Variants in KIF13B observed in about 807,000 individuals in gnomAD.
The protein encoded by KIF13B is kinesin-like protein KIF13B.
Under a neutral mutation model 222.0 loss-of-function variants are expected in KIF13B, and 127 were observed. That is an observed-to-expected ratio of 0.57 (90% confidence interval 0.50 to 0.66). The LOEUF (loss-of-function observed/expected upper bound fraction) is 0.66, where lower values mean the gene tolerates loss of function less well. Ranked by LOEUF, KIF13B falls within the 30% of genes least tolerant of loss-of-function variation. The pLI, the probability that KIF13B is intolerant of heterozygous loss-of-function variation, is 0.00. For missense variants in KIF13B, 2,173 were observed against 2,379.0 expected (o/e 0.91, Z 1.80); for synonymous variants, 976 against 919.0 (o/e 1.06, Z -1.12).
intron 36 of KIF13B, among the ~76,000 whole-genome samples, chr8:29,097,199 A>T (rs1198614430): frequency 6.6e-6 from 1 of 152,244 alleles, no homozygotes; most frequent in Non-Finnish European, 1.5e-5. Flanking sequence ...GAGAGATTTC[A>T]AGGTAAGAGT....
intron 34 of KIF13B, 111 bp downstream of exon 34, chr8:29,109,323 C>G (rs532201005): frequency 1.2e-6 from 1 of 836,324 alleles, no homozygotes; most frequent in South Asian, 1.5e-5. Context: ...TCAGTCCTGG[C>G]AAGGGAAGGG....
In KIF13B at chr8:29,109,922, C is replaced by A; in HGVS notation, c.4079G>T (p.Arg1360Leu). The change falls in exon 33 of 40, where the codon CGC becomes CTC. Residue 1360 changes from arginine to leucine, a missense_variant. Physicochemically the swap from Arg to Leu is moderately radical, Grantham distance 102. Coordinates refer to ENST00000524189, the MANE Select transcript of KIF13B (RefSeq NM_015254.4). Reference protein sequence around the residue: ...VENLLTLDRLRQEVAVKEQLT... With the variant: ...VENLLTLDRLLQEVAVKEQLT... ...CTATCCATGCGGTTGGCTAACCTGG[C>A]GCAGACGATCTAAAGTCAGGAGGTT... 6.2e-7 allele frequency: 1 copy of A among 1,613,278 alleles called. No individual in the cohort carries two copies.
At chr8:29,143,726 G>T (rs570866356) in intron 18 of KIF13B, among the ~76,000 whole-genome samples, 35 of 152,058 alleles carry the variant, frequency 2.3e-4, no homozygotes, top group African/African-American at 8.2e-4. Context: ...GGCGCCTGTA[G>T]TCCCAGCTAT....
At chr8:29,230,100 G>A (rs561926662) in intron 2 of KIF13B, among the ~76,000 whole-genome samples, 57 of 152,084 alleles carry the variant, frequency 3.7e-4, no homozygotes, top group Admixed American at 1.3e-3. Context: ...TCATGCCCAC[G>A]GTAATCTTGC....
chr8:29,235,592 C>T (rs967913893), intron 2 of KIF13B, among the ~76,000 whole-genome samples: 8 of 151,910 alleles, frequency 5.3e-5, no homozygotes, highest in Non-Finnish European at 7.4e-5. Context: ...CCACAGTGGC[C>T]CCCACTTTCT....
At chr8:29,249,543 A>G (rs2130670066) in intron 1 of KIF13B, among the ~76,000 whole-genome samples, 1 of 152,226 alleles carries the variant, frequency 6.6e-6, no homozygotes, top group South Asian at 2.1e-4. Flanking sequence ...CATATTCATT[A>G]TAACTTAAGA....
rs1436929424 is a variant in KIF13B, at chr8:29,132,398, A to G, written c.2852T>C (p.Val951Ala). 1 of 1,595,124 alleles carries G rather than the reference A, an allele frequency of 6.3e-7. No homozygotes were observed. The highest frequency in any genetic ancestry group is 1.7e-4 in the Middle Eastern group (1 of 6,000). The change falls in exon 23 of 40, where the codon GTA becomes GCA. Residue 951 changes from valine to alanine, a missense_variant. Around this residue, in one of 2 missense-constraint regions of KIF13B, gnomAD observed 1,480 missense variants for 1,722.8 expected, o/e 0.86. Coordinates refer to ENST00000524189, the MANE Select transcript of KIF13B (RefSeq NM_015254.4). ...HLSEGALAIE[V>A]YGHKINDPRK... ...GGGATCGTTTATTTTATGTCCATAT[A>G]CTTCAATTGCCAATGCTCCTTCGGA...
chr8:29,171,141 A>G (rs919167641), intron 10 of KIF13B, among the ~76,000 whole-genome samples: 1 of 152,206 alleles, frequency 6.6e-6, no homozygotes, highest in Non-Finnish European at 1.5e-5. Flanking sequence ...ATGAATTAGA[A>G]AGATACTCAT....
At chr8:29,228,399 G>A (rs113890633) in intron 2 of KIF13B, among the ~76,000 whole-genome samples, 9,949 of 149,496 alleles carry the variant, frequency 0.067, 451 homozygotes, top group African/African-American at 0.12. Context: ...CCCAGGATGC[G>A]GAGCTTCCAG....
chr8:29,158,303 AAT>A (rs1484436055), intron 13 of KIF13B, among the ~76,000 whole-genome samples: 2 of 152,234 alleles, frequency 1.3e-5, no homozygotes, highest in African/African-American at 4.8e-5. Context: ...GCATTAAAAA[AAT>A]ATAAAAATAA....
intron 29 of KIF13B, among the ~76,000 whole-genome samples, chr8:29,121,991 A>G (rs909588311): frequency 6.6e-6 from 1 of 152,226 alleles, no homozygotes; most frequent in African/African-American, 2.4e-5. Context: ...GCAGTGGCTC[A>G]CGCCTGTAAT....
intron 18 of KIF13B, among the ~76,000 whole-genome samples, chr8:29,144,159 T>C (rs1002498119): frequency 3.9e-5 from 6 of 152,284 alleles, no homozygotes; most frequent in African/African-American, 1.4e-4. Flanking sequence ...AACTTTGAAA[T>C]ACATTGATGT....
chr8:29,113,550 A>G lies in KIF13B; in HGVS notation c.3843T>C (p.Phe1281=). The change falls in exon 32 of 40, where the codon TTT becomes TTC. Residue 1281 remains phenylalanine, a synonymous_variant. Coordinates refer to ENST00000524189, the MANE Select transcript of KIF13B (RefSeq NM_015254.4). ...ACATCTTTTTTAGGAGACTCTGTGC[A>G]AAACCCTAGAGAAAAACAAAATAGA... The part of the protein sequence containing the change: ...ICVNVHGRQG[F]AQSLLKKMSH... 1 of 1,572,438 alleles carries G rather than the reference A, an allele frequency of 6.4e-7. No individual in the cohort carries two copies. The highest frequency in any genetic ancestry group is 8.7e-7 in the Non-Finnish European group (1 of 1,155,218).
At chr8:29,231,386 G>A (rs752521275) in intron 2 of KIF13B, among the ~76,000 whole-genome samples, 27 of 152,268 alleles carry the variant, frequency 1.8e-4, no homozygotes, top group Non-Finnish European at 2.8e-4. Flanking sequence ...TGTATGAAAC[G>A]TCTGGCTCCT....
intron 18 of KIF13B, among the ~76,000 whole-genome samples, chr8:29,143,412 A>G (rs1810907575): frequency 6.6e-6 from 1 of 152,150 alleles, no homozygotes; most frequent in Non-Finnish European, 1.5e-5. Flanking sequence ...TCCCCGATTC[A>G]CCCACGTGGA....
rs905124888 is a variant in KIF13B at position 29,222,581 on chromosome 8, C to T, written c.149+22765G>A. On this transcript the variant is annotated intron_variant, in intron 2 of 39. Transcript: ENST00000524189. ...GTAGAGACAGGGTGTCACTATATTGCTCAGGCTGGTCAAATATTATTTTTA... is the reference window on the plus strand; with the variant it reads ...GTAGAGACAGGGTGTCACTATATTGTTCAGGCTGGTCAAATATTATTTTTA... 2.9e-4 allele frequency among the ~76,000 whole-genome samples: 32 copies of T among 110,668 alleles called. No homozygotes were observed. In the East Asian group the frequency reaches 2.9e-3, roughly 10 times the overall value. 72.6% of individuals were successfully genotyped at this position (110,668 alleles called of 152,430 possible).
intron 37 of KIF13B, among the ~76,000 whole-genome samples, chr8:29,090,093 G>A (rs147048982): frequency 1.3e-5 from 2 of 152,132 alleles, no homozygotes; most frequent in East Asian, 1.9e-4. Context: ...GACTGAAGGC[G>A]CTTCACATGC....
intron 13 of KIF13B, among the ~76,000 whole-genome samples, chr8:29,158,997 A>G (rs754303315): frequency 6.6e-6 from 1 of 152,258 alleles, no homozygotes; most frequent in South Asian, 2.1e-4. Flanking sequence ...TGAGAAAAGG[A>G]CAGAATATTT....
rs150748147 is a variant in KIF13B at position 29,158,880 on chromosome 8, G to C, written c.1404+1853C>G. Among the ~76,000 whole-genome samples the C allele has an allele frequency of 4.0e-3, 616 of 152,270 alleles. 5 individuals carry two copies. Among genetic ancestry groups the C allele is most frequent in the African/African-American group, 0.014 (563 of 41,554 alleles). ...ATCTTTAAACAGCTTCTTTGTTTAC[G>C]TTTTTAGTTAAGGAGCAGATATGAA... On this transcript the variant is annotated intron_variant, in intron 13 of 39. Transcript: ENST00000524189.
Sources: gnomAD v4.1 joint callset for allele counts (sites outside exome capture counted in the v4.1 genomes callset) on GRCh38, gnomAD v4.1.1 for gene constraint, gnomAD v4.1.1 regional missense constraint, MANE v1.5 for transcripts, NCBI Gene and HGNC (gene_info 2026-07-23, HGNC 2026-07-21) for gene names.